The following SH3TC1 variants were observed in gnomAD, a reference collection of about 807,000 sequenced individuals.
SH3TC1 encodes SH3 domain and tetratricopeptide repeat-containing protein 1.
SH3TC1 carries 135 observed loss-of-function variants against 117.3 expected under a neutral mutation model. The ratio of observed to expected loss-of-function variants is 1.15; its 90% CI spans 1.00 to 1.33. The LOEUF (loss-of-function observed/expected upper bound fraction) is 1.33, where lower values mean the gene tolerates loss of function less well. Among genes scored for constraint, SH3TC1 ranks in the 40% most tolerant of loss-of-function variants. The pLI, the probability that SH3TC1 is intolerant of heterozygous loss-of-function variation, is 0.00. For missense variants in SH3TC1, 2,092 were observed against 1,794.3 expected (o/e 1.17, Z -3.00); for synonymous variants, 898 against 816.9 (o/e 1.10, Z -1.69).
In SH3TC1 at chr4:8,228,288, T is replaced by A. The variant is rs758947681; in HGVS notation, c.2594T>A (p.Ile865Asn). The change falls in exon 12 of 18, where the codon ATT becomes AAT. Residue 865 changes from isoleucine (I) to asparagine (N), a missense_variant. Physicochemically the swap from Ile to Asn is moderately radical, Grantham distance 149. Coordinates refer to ENST00000245105, the MANE Select transcript of SH3TC1 (RefSeq NM_018986.5). Reference sequence around the variant, plus strand: ...GCCAGCGAGGACCAGGAGGGCGTGATTGCCAACATGGTGGCCGTGGCTCTG... The same window carrying A: ...GCCAGCGAGGACCAGGAGGGCGTGAATGCCAACATGGTGGCCGTGGCTCTG... ...VVASEDQEGV[I>N]ANMVAVALKR... is the part of the protein sequence containing the mutation. 1.6e-5 allele frequency: 26 copies of A among 1,612,284 alleles called. No individual in the cohort carries two copies. The East Asian group carries it at 4.7e-4, about 29-fold the overall frequency.
At chr4:8,223,786 C>A (rs1268464878) in intron 10 of SH3TC1, among the ~76,000 whole-genome samples, 1 of 152,130 alleles carries the variant, frequency 6.6e-6, no homozygotes, top group African/African-American at 2.4e-5. Context: ...GCACGCGCCA[C>A]CACACCCTGG....
Position 8,235,470 on chromosome 4 carries a change from A to T in SH3TC1, c.3320A>T (p.Asn1107Ile), listed in dbSNP as rs773739566. The change falls in exon 15 of 18, where the codon AAC becomes ATC. Residue 1107 changes from asparagine (N) to isoleucine (I), a missense_variant. Coordinates refer to ENST00000245105, the MANE Select transcript of SH3TC1 (RefSeq NM_018986.5). ...GTGGCCCTGTACACAGGCGACCCCA[A>T]CCTGGGGCTGGAGCTGTTTGAGGCG... The part of the protein sequence containing the change: ...QNVALYTGDP[N>I]LGLELFEAAG... 14 of 1,599,360 alleles carry T rather than the reference A, an allele frequency of 8.8e-6. No individual in the cohort carries two copies. In the African/African-American group the frequency reaches 1.3e-4, roughly 15 times the overall value.
At chr4:8,239,888 G>A (rs1224502994) in intron 17 of SH3TC1, among the ~76,000 whole-genome samples, 1 of 152,206 alleles carries the variant, frequency 6.6e-6, no homozygotes, top group East Asian at 1.9e-4. Context: ...GGGGCTGGGG[G>A]GCGTTGGATG....
At position 8,237,566 on chromosome 4, in the gene SH3TC1, A is replaced by T; in HGVS notation, c.3649A>T (p.Lys1217Ter). 6.2e-7 allele frequency: 1 copy of T among 1,611,822 alleles called. No individual in the cohort carries two copies. The change falls in exon 17 of 18, where the codon AAG (lysine) becomes TAG (stop). Residue 1217 changes from lysine to a stop codon, truncating the protein, a stop_gained. Coordinates refer to ENST00000245105, the MANE Select transcript of SH3TC1 (RefSeq NM_018986.5). LOFTEE classifies it high-confidence loss of function. Reference sequence around the variant, plus strand: ...CGAGCTGGCAGAGCACTTCTACCTCAAGGCCCTGTCGCTCTGCAACTCGCC... The same window carrying T: ...CGAGCTGGCAGAGCACTTCTACCTCTAGGCCCTGTCGCTCTGCAACTCGCC... ...HGELAEHFYL[K>*]ALSLCNSPLE...
In SH3TC1 at chr4:8,225,067, T is replaced by G; in HGVS notation, c.1244-108T>G. On this transcript the variant is annotated intron_variant, in intron 10 of 17. Coordinates refer to ENST00000245105, the MANE Select transcript of SH3TC1 (RefSeq NM_018986.5). This position sits in a 1 kb window ranked among gnomAD's most constrained non-coding sequence, Gnocchi z 5.5. ...CTGCAACATCTCAGCCCTCAATACC[T>G]GCACCCAGCAATGCTCTCACCCTGC... is the stretch of plus-strand genomic sequence containing the variant. The G allele has an allele frequency of 7.4e-7, 1 of 1,346,526 alleles. No homozygotes were observed. The allele number at this position is 1,346,526 out of a possible 1,614,324, so 83.4% of individuals were successfully genotyped here.
intron 9 of SH3TC1, 130 bp downstream of exon 9, chr4:8,219,660 T>G: frequency 9.5e-7 from 1 of 1,053,632 alleles, no homozygotes; most frequent in Non-Finnish European, 1.3e-6. Context: ...GTCTCTTCCC[T>G]TGTCCTCAGG....
In SH3TC1 at chr4:8,200,607, C is replaced by T. The variant is rs865828932; in HGVS notation, c.-29+1202C>T. On this transcript the variant is annotated intron_variant, in intron 1 of 17. Transcript: ENST00000245105. ...TTCCAGCAACACGGGTGACGATGGC[C>T]GCACAACACAGAAGAGCAAGGCAGG... Among the ~76,000 whole-genome samples the T allele has an allele frequency of 2.6e-5, 4 of 152,198 alleles. 1 individual carries two copies. The highest frequency in any genetic ancestry group is 4.1e-4 in the South Asian group (2 of 4,828).
chr4:8,219,479 G>C lies in SH3TC1; in HGVS notation c.1061G>C (p.Arg354Pro). ...GTGGGCCGACACGCAGCCTCGGGCC[G>C]GGTGGGGTTTGTGCGGAGCAGCCTC... ...WCVGRHAASG[R>P]VGFVRSSLIS... The change falls in exon 9 of 18, where the codon CGG becomes CCG. Residue 354 changes from arginine (R) to proline (P), a missense_variant. By Grantham distance (103) the Arg-to-Pro change is moderately radical (BLOSUM62 -2). Coordinates refer to ENST00000245105, the MANE Select transcript of SH3TC1 (RefSeq NM_018986.5). 6.2e-7 allele frequency: 1 copy of C among 1,605,062 alleles called. No individual in the cohort carries two copies. Among genetic ancestry groups the C allele is most frequent in the Non-Finnish European group, 8.5e-7 (1 of 1,174,260 alleles).
At position 8,192,408 on chromosome 4, in the gene SH3TC1, G is replaced by A. The variant is rs997787520; in HGVS notation, c.-57+10198G>A. Among the ~76,000 whole-genome samples the A allele has an allele frequency of 6.6e-6, 1 of 151,956 alleles. No individual in the cohort carries two copies. The highest frequency in any genetic ancestry group is 6.5e-5 in the Admixed American group (1 of 15,272). On this transcript the variant is annotated intron_variant, in intron 1 of 16. Coordinates refer to the SH3TC1 transcript ENST00000508641. This position sits in a 1 kb window ranked among gnomAD's most constrained non-coding sequence, Gnocchi z 4.1. Reference sequence around the variant, plus strand: ...CCTCAGTCTCCCCATTTGTAAGCCTGAAGGTTGTAAATTACAATCTTCTTA... The same window carrying A: ...CCTCAGTCTCCCCATTTGTAAGCCTAAAGGTTGTAAATTACAATCTTCTTA...
At position 8,225,692 on chromosome 4, in the gene SH3TC1, C is replaced by T. The variant is rs556471552; in HGVS notation, c.1285+476C>T. ...ATTGAGGGAGACCCTTCCATCTCCC[C>T]TCTACAGCTCTGTCTCTTCCCCTCA... On this transcript the variant is annotated intron_variant, in intron 11 of 17. Transcript: ENST00000245105. This position sits in a 1 kb window ranked among gnomAD's most constrained non-coding sequence, Gnocchi z 5.5. Among the ~76,000 whole-genome samples, 1 of 152,316 alleles carries T rather than the reference C, an allele frequency of 6.6e-6. No individual in the cohort carries two copies. The highest frequency in any genetic ancestry group is 2.1e-4 in the South Asian group (1 of 4,826).
chr4:8,229,415 G>A (rs890595008), intron 12 of SH3TC1, among the ~76,000 whole-genome samples: 13 of 138,602 alleles, frequency 9.4e-5, no homozygotes, highest in East Asian at 6.8e-4. Context: ...GAGTAGGGGT[G>A]AGTGAGTGGG....
chr4:8,213,282 G>A (rs553344079), intron 4 of SH3TC1: 14 of 159,220 alleles, frequency 8.8e-5, no homozygotes, highest in African/African-American at 3.1e-4. Context: ...ATGGCTGAGG[G>A]CTGGGGGCTT....
At chr4:8,218,220 C>T (rs1410462252) in intron 7 of SH3TC1, 51 bp from the exon 8 acceptor site, 1 of 1,477,690 alleles carries the variant, frequency 6.8e-7, no homozygotes, top group Non-Finnish European at 9.4e-7. Context: ...CAGGATGTAT[C>T]TGCCCCAAAT....
At chr4:8,182,779 C>T (rs1260996205) in intron 1 of SH3TC1, among the ~76,000 whole-genome samples, 1 of 152,188 alleles carries the variant, frequency 6.6e-6, no homozygotes, top group Non-Finnish European at 1.5e-5. Flanking sequence ...TCAGTCTTCC[C>T]CTGCACCCTG....
At chr4:8,214,625 G>T in intron 5 of SH3TC1, 45 bp downstream of exon 5, 1 of 1,449,460 alleles carries the variant, frequency 6.9e-7, no homozygotes, top group Non-Finnish European at 9.7e-7. Flanking sequence ...GACGCCCGTC[G>T]GAAGGTGCTG....
intron 8 of SH3TC1, among the ~76,000 whole-genome samples, 168 bp from the exon 9 acceptor site, chr4:8,219,167 C>A (rs1719643428): frequency 6.6e-6 from 1 of 152,214 alleles, no homozygotes; most frequent in South Asian, 2.1e-4. Flanking sequence ...CCTCTGAGGA[C>A]CACGTAGACA....
In SH3TC1 at chr4:8,205,904, A is replaced by T. The variant is rs1718164842; in HGVS notation, c.172+538A>T. 5.6e-6 allele frequency: 3 copies of T among 536,594 alleles called. No individual in the cohort carries two copies. The highest frequency in any genetic ancestry group is 1.0e-5 in the Non-Finnish European group (3 of 301,010). The allele number at this position is 536,594 out of a possible 1,614,324, so 33.2% of individuals were successfully genotyped here. On this transcript the variant is annotated intron_variant, in intron 2 of 17. Transcript: ENST00000245105. This position sits in a 1 kb window ranked among gnomAD's most constrained non-coding sequence, Gnocchi z 5.4. ...CCCCCATCCTGAGACCCTGAAGGGG[A>T]CGAGGGGAGAGGCAGGGGAGACCAA...
chr4:8,186,943 C>CAA lies in SH3TC1; in HGVS notation c.-57+4750_-57+4751dup, dbSNP rs542632113. Among the ~76,000 whole-genome samples the CAA allele has an allele frequency of 4.0e-3, 351 of 88,202 alleles. No homozygotes were observed. The highest frequency in any genetic ancestry group is 0.014 in the African/African-American group (331 of 24,378). The allele number at this position is 88,202 out of a possible 152,430, so 57.9% of individuals were successfully genotyped here. On this transcript the variant is annotated intron_variant, in intron 1 of 16. Transcript: ENST00000508641. This position sits in a 1 kb window ranked among gnomAD's most constrained non-coding sequence, Gnocchi z 5.2. ...TGGGTGACAGGGCAAGACTACGTCT[C>CAA]AAAAAAAAAAAAAAAAAAGGACATG...
At chr4:8,235,331 G>A (rs1721704283) in intron 14 of SH3TC1, 102 bp from the exon 15 acceptor site, 2 of 1,344,442 alleles carry the variant, frequency 1.5e-6, no homozygotes, top group African/African-American at 1.5e-5. Flanking sequence ...AGTTGCACCT[G>A]CAGTGTGTGA....
Sources: gnomAD v4.1 joint callset for allele counts (sites outside exome capture counted in the v4.1 genomes callset) on GRCh38, gnomAD v4.1.1 for gene constraint, Gnocchi (gnomAD v3.1) non-coding constraint, MANE v1.5 for transcripts, NCBI Gene and HGNC (gene_info 2026-07-23, HGNC 2026-07-21) for gene names.